Variants in RIMS2 observed in about 807,000 individuals in gnomAD.
The protein encoded by RIMS2 is regulating synaptic membrane exocytosis 2.
Under a neutral mutation model 174.4 loss-of-function variants are expected in RIMS2, and 59 were observed. The observed-to-expected ratio is 0.34, with a 90% CI of 0.27 to 0.42. The LOEUF is 0.42. Ranked by LOEUF, RIMS2 falls within the 10% of genes least tolerant of loss-of-function variation. RIMS2 has a pLI of 1.00. For missense variants in RIMS2, 1,620 were observed against 1,666.3 expected, an observed-to-expected ratio of 0.97 and a Z score of 0.48; for synonymous variants, 606 against 572.5, an observed-to-expected ratio of 1.06 and a Z score of -0.84.
chr8:103,770,968 A>G (rs866182778), intron 3 of RIMS2, among the ~76,000 whole-genome samples: 1 of 152,192 alleles, frequency 6.6e-6, no homozygotes, highest in Admixed American at 6.5e-5. Flanking sequence ...TTAAATCTCT[A>G]TGGACTTATA....
chr8:104,174,900 C>T (rs1009235511), intron 19 of RIMS2, among the ~76,000 whole-genome samples: 3 of 152,118 alleles, frequency 2.0e-5, no homozygotes, highest in Admixed American at 6.5e-5. Flanking sequence ...TTCTCAGGAA[C>T]TAATTGGCTA....
At chr8:104,223,415 C>G in intron 19 of RIMS2, 2 of 1,279,382 alleles carry the variant, frequency 1.6e-6, no homozygotes, top group Non-Finnish European at 2.0e-6. Flanking sequence ...GCCGCTCCGC[C>G]CGCCACCGCC....
intron 19 of RIMS2, among the ~76,000 whole-genome samples, chr8:104,139,065 G>T (rs561651319): frequency 6.0e-4 from 92 of 152,200 alleles, no homozygotes; most frequent in African/African-American, 2.2e-3. Context: ...TGTCAAAAAT[G>T]ACTTCAGTGG....
intron 2 of RIMS2, among the ~76,000 whole-genome samples, chr8:103,726,090 T>C (rs1016988619): frequency 3.3e-5 from 5 of 152,190 alleles, no homozygotes; most frequent in African/African-American, 1.2e-4. Flanking sequence ...TCCTGACTTA[T>C]GATGGTTTGA....
intron 2 of RIMS2, among the ~76,000 whole-genome samples, chr8:103,755,825 C>A (rs1242310072): frequency 6.6e-6 from 1 of 152,170 alleles, no homozygotes; most frequent in Non-Finnish European, 1.5e-5. Flanking sequence ...AGCAATTCAT[C>A]TAACCTTTTT....
intron 19 of RIMS2, among the ~76,000 whole-genome samples, chr8:104,174,992 T>C (rs1210218413): frequency 6.6e-6 from 1 of 152,184 alleles, no homozygotes; most frequent in Non-Finnish European, 1.5e-5. Context: ...GCCAAAATAG[T>C]GAATTTGTAA....
At chr8:103,703,055 C>A (rs2097185878) in intron 2 of RIMS2, among the ~76,000 whole-genome samples, 1 of 150,348 alleles carries the variant, frequency 6.7e-6, no homozygotes, top group Non-Finnish European at 1.5e-5. Context: ...CGTCATGGCT[C>A]ACTTCAGCCT....
rs116106953 is a variant in RIMS2 at position 103,542,010 on chromosome 8, G to A, written c.176+40948G>A. ...AAATAATCTAATCACAAAGTAAGAC[G>A]GCTGGAGAAGGAAAAAGGAACAAAA... On this transcript the variant is annotated intron_variant, in intron 1 of 23. Coordinates refer to ENST00000504942, the Ensembl canonical transcript of RIMS2. 9.3e-3 allele frequency among the ~76,000 whole-genome samples: 1,417 copies of A among 151,998 alleles called. 26 individuals are homozygous for A. Among genetic ancestry groups the A allele is most frequent in the African/African-American group, 0.032 (1,336 of 41,444 alleles).
intron 2 of RIMS2, among the ~76,000 whole-genome samples, chr8:103,707,947 T>G (rs1294415188): frequency 1.3e-5 from 2 of 152,176 alleles, no homozygotes; most frequent in African/African-American, 2.4e-5. Context: ...GCCTGGTGGT[T>G]TATTTTAATG....
At chr8:104,093,365 C>T in intron 19 of RIMS2, 106 bp from the exon 24 acceptor site, 2 of 728,160 alleles carry the variant, frequency 2.7e-6, no homozygotes, top group Non-Finnish European at 2.1e-6. Flanking sequence ...TGGGATTTTG[C>T]AGTTTCCTCT....
intron 3 of RIMS2, among the ~76,000 whole-genome samples, chr8:103,833,811 G>A (rs1200824157): frequency 1.3e-5 from 2 of 151,642 alleles, no homozygotes; most frequent in Non-Finnish European, 2.9e-5. Context: ...ATCTTTTTCT[G>A]CTAATTTTAA....
chr8:104,106,683 T>C (rs1346881530), intron 19 of RIMS2, among the ~76,000 whole-genome samples: 1 of 151,744 alleles, frequency 6.6e-6, no homozygotes, highest in Non-Finnish European at 1.5e-5. Context: ...ATAATTACAG[T>C]AGAAAAAAAT....
rs2079121280 is a variant in RIMS2 at position 103,928,026 on chromosome 8, T to C, written c.2244+137T>C. The C allele has an allele frequency of 1.4e-5, 9 of 649,820 alleles. 1 individual carries two copies. The Admixed American group carries it at 3.1e-4, about 22-fold the overall frequency. The allele number at this position is 649,820 out of a possible 1,614,324, so 40.3% of individuals were successfully genotyped here. On this transcript the variant is annotated intron_variant, in intron 11 of 23. Transcript: ENST00000504942. ...ATTATTGACTTTCAAATCATTTTAT[T>C]AGCCAGCTTGTAAAATTTTGCATGG...
intron 3 of RIMS2, among the ~76,000 whole-genome samples, chr8:103,834,746 C>CTT (rs1564830911): frequency 6.5e-5 from 5 of 77,240 alleles, no homozygotes; most frequent in African/African-American, 1.5e-4. Flanking sequence ...CTTTCTTTCT[C>CTT]TCTCTTTCTT....
intron 3 of RIMS2, among the ~76,000 whole-genome samples, chr8:103,869,493 A>G (rs1032679647): frequency 6.6e-6 from 1 of 151,684 alleles, no homozygotes; most frequent in Non-Finnish European, 1.5e-5. Context: ...CACCACGCCC[A>G]GCTAATTTTT....
intron 19 of RIMS2, among the ~76,000 whole-genome samples, chr8:104,200,631 G>A (rs181452740): frequency 8.2e-4 from 125 of 152,314 alleles, no homozygotes; most frequent in African/African-American, 2.7e-3. Flanking sequence ...GTGAGAGGCC[G>A]GGCGTGGCGC....
At chr8:103,679,511 C>T (rs1032108338) in intron 1 of RIMS2, among the ~76,000 whole-genome samples, 22 of 151,708 alleles carry the variant, frequency 1.5e-4, no homozygotes, top group African/African-American at 4.8e-4. Flanking sequence ...AATATGAAAA[C>T]ACACTTATAA....
chr8:103,533,572 G>T (rs1295207641), intron 1 of RIMS2, among the ~76,000 whole-genome samples: 1 of 144,236 alleles, frequency 6.9e-6, no homozygotes. Context: ...TGAGGCAGGA[G>T]AATTGCTTGA....
chr8:103,569,320 T>C (rs1163382936), intron 1 of RIMS2, among the ~76,000 whole-genome samples: 1 of 152,138 alleles, frequency 6.6e-6, no homozygotes, highest in Admixed American at 6.5e-5. Context: ...CCTTTGCACC[T>C]TTGTCAAAAA....
Sources: allele counts gnomAD v4.1 joint callset (sites outside exome capture counted in the v4.1 genomes callset), GRCh38; gene constraint gnomAD v4.1.1; transcripts MANE v1.5; gene names NCBI Gene and HGNC (gene_info 2026-07-23, HGNC 2026-07-21).